The following PAM variants were observed in gnomAD, a reference collection of about 807,000 sequenced individuals.
The protein encoded by PAM is peptidylglycine alpha-amidating monooxygenase.
A neutral mutation model predicts 122.1 loss-of-function variants in PAM; 72 were observed. That is an observed-to-expected ratio of 0.59 (90% CI 0.49 to 0.72). PAM has a LOEUF of 0.72. PAM is among the 30% of genes least tolerant of loss of function. The pLI is 0.00. For missense variants in PAM, 1,106 were observed against 1,183.7 expected (o/e 0.93, Z 0.96); for synonymous variants, 389 against 404.4 (o/e 0.96, Z 0.46).
intron 12 of PAM, among the ~76,000 whole-genome samples, chr5:102,952,947 A>G (rs977948330): frequency 6.6e-6 from 1 of 152,192 alleles, no homozygotes; most frequent in African/African-American, 2.4e-5. Context: ...ACACATAGGT[A>G]TAAATCACAC....
chr5:102,788,242 C>T (rs1292553628), intron 1 of PAM, among the ~76,000 whole-genome samples: 1 of 152,026 alleles, frequency 6.6e-6, no homozygotes, highest in Non-Finnish European at 1.5e-5. Flanking sequence ...TTAAAATAAA[C>T]ATTTATGATA....
At chr5:102,909,895 C>T (rs531264484) in intron 4 of PAM, among the ~76,000 whole-genome samples, 36 of 151,914 alleles carry the variant, frequency 2.4e-4, no homozygotes, top group African/African-American at 8.2e-4. Context: ...ACTTGCAAGT[C>T]GGTGCTTTTT....
chr5:102,897,525 T>G (rs71586356), intron 3 of PAM, among the ~76,000 whole-genome samples: 1 of 151,704 alleles, frequency 6.6e-6, no homozygotes, highest in Admixed American at 6.6e-5. Context: ...TTTGGTGTTT[T>G]GGTTATTTAA....
chr5:102,831,302 T>C (rs889179891), intron 1 of PAM, among the ~76,000 whole-genome samples: 5 of 152,188 alleles, frequency 3.3e-5, no homozygotes, highest in African/African-American at 1.2e-4. Context: ...GCAAAGAAAG[T>C]AAAAATTATC....
chr5:102,876,557 T>G (rs564154563), intron 3 of PAM, among the ~76,000 whole-genome samples: 2 of 152,290 alleles, frequency 1.3e-5, no homozygotes, highest in South Asian at 4.2e-4. Context: ...GTGTCATAGA[T>G]AAACAAAGCT....
chr5:103,024,831 T>A (rs775510932), intron 23 of PAM, among the ~76,000 whole-genome samples: 1 of 152,178 alleles, frequency 6.6e-6, no homozygotes, highest in Admixed American at 6.5e-5. Flanking sequence ...TACTGTCTTA[T>A]TAATTTTACC....
chr5:103,003,472 G>A lies in PAM; in HGVS notation c.1730+323G>A, dbSNP rs80119111. Among the ~76,000 whole-genome samples the A allele has an allele frequency of 9.1e-3, 1,381 of 152,176 alleles. 11 individuals carry two copies. The highest frequency in any genetic ancestry group is 0.013 in the Non-Finnish European group (903 of 68,000). ...TTTGGAATGTTCTCACCTCAAAAAT[G>A]TTAGGTATTTGAGGTGATGGATATG... is the stretch of plus-strand genomic sequence containing the variant. On this transcript the variant is annotated intron_variant, in intron 17 of 25. Transcript: ENST00000438793.
At chr5:102,924,348 G>A (rs1295048016) in intron 5 of PAM, among the ~76,000 whole-genome samples, 27 of 150,380 alleles carry the variant, frequency 1.8e-4, no homozygotes, top group African/African-American at 6.1e-4. Context: ...CAGGAGAATC[G>A]CTTGAACCCA....
At chr5:102,930,829 A>T (rs995584042) in intron 7 of PAM, among the ~76,000 whole-genome samples, 3 of 152,368 alleles carry the variant, frequency 2.0e-5, no homozygotes, top group Non-Finnish European at 4.4e-5. Context: ...AAAAATGTAT[A>T]GACTTTTAAA....
At chr5:103,010,392 A>G (rs796446840) in intron 21 of PAM, among the ~76,000 whole-genome samples, 2 of 152,286 alleles carry the variant, frequency 1.3e-5, no homozygotes, top group African/African-American at 4.8e-5. Flanking sequence ...TTTGGCTTCA[A>G]AAGTGTTTTC....
At chr5:102,819,068 AAGAC>A (rs1252643427) in intron 1 of PAM, among the ~76,000 whole-genome samples, 1 of 152,164 alleles carries the variant, frequency 6.6e-6, no homozygotes, top group Admixed American at 6.5e-5. Context: ...ACAAAACAGA[AAGAC>A]AGACGAGAGC....
At position 102,973,374 on chromosome 5, in the gene PAM, GA is replaced by G. The variant is rs3836845; in HGVS notation, c.1163-740del. Among the ~76,000 whole-genome samples the G allele has an allele frequency of 6.2e-3, 949 of 152,240 alleles. 29 individuals are homozygous for G. In the South Asian group the frequency reaches 0.096, roughly 15 times the overall value. On this transcript the variant is annotated intron_variant, in intron 14 of 25. Coordinates refer to ENST00000438793, the MANE Select transcript of PAM (RefSeq NM_001177306.2). ...ATTTTACAAATAATTTGCTTTCATA[GA>G]ATTGGAGTCTCATACCCAAGTTTAC...
At chr5:102,889,423 TC>T (rs1207716646) in intron 3 of PAM, among the ~76,000 whole-genome samples, 3 of 151,936 alleles carry the variant, frequency 2.0e-5, no homozygotes, top group African/African-American at 7.2e-5. Flanking sequence ...TCTTCTTGGC[TC>T]TTAGGTTTTT....
Position 103,009,778 on chromosome 5 carries a change from C to T in PAM, c.2243C>T (p.Pro748Leu). Residue 748 changes from proline to leucine, a missense_variant, in exon 21 of 26, where the codon CCT becomes CTT. Pro to Leu is a moderately conservative substitution (Grantham distance 98). Around this residue, in one of 3 missense-constraint regions of PAM, gnomAD observed 333 missense variants for 335.6 expected, o/e 0.99. Coordinates refer to ENST00000438793, the MANE Select transcript of PAM (RefSeq NM_001177306.2). Reference protein sequence around the residue: ...PGLLFAVNGKPHFGDQEPVQG... With the variant: ...PGLLFAVNGKLHFGDQEPVQG... Reference sequence around the variant, plus strand: ...TTGCTCTTTGCAGTGAATGGGAAGCCTCATTTTGGGGACCAAGAACCTGTA... The same window carrying T: ...TTGCTCTTTGCAGTGAATGGGAAGCTTCATTTTGGGGACCAAGAACCTGTA... The T allele has an allele frequency of 6.2e-7, 1 of 1,611,254 alleles. No individual in the cohort carries two copies.
chr5:103,028,134 T>G, intron 24 of PAM, 51 bp from the exon 25 acceptor site: 2 of 1,437,972 alleles, frequency 1.4e-6, no homozygotes, highest in South Asian at 1.1e-5. Flanking sequence ...GTGCATGGGT[T>G]GAGAAAGATG....
intron 14 of PAM, among the ~76,000 whole-genome samples, chr5:102,970,152 T>C (rs1316426587): frequency 6.6e-6 from 1 of 152,048 alleles, no homozygotes; most frequent in Admixed American, 6.6e-5. Context: ...TGGAAAGAAA[T>C]GCATCCAATT....
Position 102,801,772 on chromosome 5 carries a change from A to ATTTTTT in PAM, c.-374+46443_-374+46448dup, listed in dbSNP as rs36068804. Among the ~76,000 whole-genome samples the ATTTTTT allele has an allele frequency of 5.8e-4, 57 of 98,972 alleles. 2 individuals carry two copies. The highest frequency in any genetic ancestry group is 1.3e-3 in the African/African-American group (32 of 24,126). The allele number at this position is 98,972 out of a possible 152,430, so 64.9% of individuals were successfully genotyped here. ...CTTATTTGTATCCTAGGGAAAAGGT[A>ATTTTTT]TTTTTTTTTTTTTTTTTTTTTTTTG... On this transcript the variant is annotated intron_variant, in intron 1 of 25. Transcript: ENST00000438793.
intron 12 of PAM, among the ~76,000 whole-genome samples, chr5:102,951,503 A>G (rs1395964422): frequency 6.6e-6 from 1 of 152,118 alleles, no homozygotes; most frequent in African/African-American, 2.4e-5. Context: ...CAACTTTTAA[A>G]TATTTACTGA....
intron 21 of PAM, among the ~76,000 whole-genome samples, chr5:103,012,871 A>G (rs1210913529): frequency 6.6e-6 from 1 of 151,650 alleles, no homozygotes; most frequent in Non-Finnish European, 1.5e-5. Flanking sequence ...AAAAAAAAAA[A>G]ATGAGTTCAC....
Sources: allele counts gnomAD v4.1 joint callset (sites outside exome capture counted in the v4.1 genomes callset), GRCh38; gene constraint gnomAD v4.1.1; regional missense constraint gnomAD v4.1.1; transcripts MANE v1.5; gene names NCBI Gene and HGNC (gene_info 2026-07-23, HGNC 2026-07-21).